The following DENND4C variants were observed in gnomAD, a reference collection of about 807,000 sequenced individuals.
DENND4C encodes the protein DENN domain containing 4C.
In DENND4C, 108 loss-of-function variants were observed where a neutral mutation model predicts 203.0. That is an observed-to-expected ratio of 0.53 (90% confidence interval 0.46 to 0.62). The LOEUF is 0.62. Ranked by LOEUF, DENND4C falls within the 20% of genes least tolerant of loss-of-function variation. DENND4C has a pLI of 0.00. For synonymous variants in DENND4C, 871 were observed against 792.4 expected (o/e 1.10, Z -1.67); for missense variants, 2,481 against 2,301.2 (o/e 1.08, Z -1.60).
intron 9 of DENND4C, among the ~76,000 whole-genome samples, chr9:19,302,474 C>T (rs912126536): frequency 1.3e-5 from 2 of 152,122 alleles, no homozygotes; most frequent in Non-Finnish European, 2.9e-5. Context: ...AGTTGTCACT[C>T]AAGGAAATCT....
chr9:19,352,334 C>A, intron 25 of DENND4C, 152 bp downstream of exon 25: 2 of 1,008,502 alleles, frequency 2.0e-6, no homozygotes, highest in Non-Finnish European at 1.4e-6. Context: ...GTAAGTAAGA[C>A]ATTGAACTGG....
intron 10 of DENND4C, 23 bp from the exon 11 acceptor site, chr9:19,316,394 T>C (rs1841857577): frequency 6.3e-7 from 1 of 1,578,262 alleles, no homozygotes; most frequent in Non-Finnish European, 8.6e-7. Flanking sequence ...ACACATTTTA[T>C]GAATTTTGTT....
intron 12 of DENND4C, among the ~76,000 whole-genome samples, chr9:19,321,374 G>C (rs980613918): frequency 1.3e-5 from 2 of 152,130 alleles, no homozygotes; most frequent in Non-Finnish European, 2.9e-5. Context: ...GATATCAAGA[G>C]CACCTTTGAG....
chr9:19,313,136 A>G (rs1279841333), intron 10 of DENND4C, among the ~76,000 whole-genome samples: 1 of 151,990 alleles, frequency 6.6e-6, no homozygotes, highest in East Asian at 1.9e-4. Context: ...GTGTGTCTAT[A>G]ATTTCATATT....
At chr9:19,288,420 CTT>C in intron 3 of DENND4C, among the ~76,000 whole-genome samples, 174 bp from the exon 4 acceptor site, 1 of 152,298 alleles carries the variant, frequency 6.6e-6, no homozygotes, top group Middle Eastern at 3.4e-3. Flanking sequence ...TTCTTACTCT[CTT>C]ATTTTAGTGT....
At chr9:19,292,178 C>G (rs1836473840) in intron 5 of DENND4C, 1 of 151,240 alleles carries the variant, frequency 6.6e-6, no homozygotes, top group African/African-American at 2.5e-5. Flanking sequence ...TGTGCGTCAC[C>G]ACGCCCAGCT....
chr9:19,352,048 T>C, intron 24 of DENND4C, 25 bp from the exon 25 acceptor site: 2 of 1,562,938 alleles, frequency 1.3e-6, no homozygotes, highest in South Asian at 1.1e-5. Flanking sequence ...TTACTTAAGG[T>C]ATTACGATGT....
At chr9:19,256,495 T>TAGA (rs900400922) in intron 1 of DENND4C, among the ~76,000 whole-genome samples, 2 of 151,740 alleles carry the variant, frequency 1.3e-5, no homozygotes, top group Non-Finnish European at 2.9e-5. Flanking sequence ...TTTGTACTTT[T>TAGA]AGAAGAGAGA....
At chr9:19,351,241 T>C (rs1282831463) in intron 24 of DENND4C, among the ~76,000 whole-genome samples, 2 of 152,230 alleles carry the variant, frequency 1.3e-5, no homozygotes, top group African/African-American at 4.8e-5. Context: ...TCACGGATTA[T>C]ATCATTAGTT....
intron 23 of DENND4C, 109 bp from the exon 24 acceptor site, chr9:19,350,593 T>C (rs933796762): frequency 2.5e-5 from 22 of 864,244 alleles, no homozygotes; most frequent in Non-Finnish European, 3.5e-5. Context: ...GTGGGGATGA[T>C]GATTTGTTTA....
chr9:19,267,252 G>T (rs1308303229), intron 1 of DENND4C, among the ~76,000 whole-genome samples: 1 of 152,118 alleles, frequency 6.6e-6, no homozygotes, highest in Non-Finnish European at 1.5e-5. Context: ...TCTCTCTTTA[G>T]CTCTAATAAT....
intron 30 of DENND4C, among the ~76,000 whole-genome samples, chr9:19,363,697 T>C (rs1254804295): frequency 6.6e-6 from 1 of 151,840 alleles, no homozygotes; most frequent in East Asian, 1.9e-4. Context: ...TTAAGTGAAA[T>C]ATAACTTTAT....
intron 28 of DENND4C, 80 bp from the exon 29 acceptor site, chr9:19,360,164 G>C: frequency 2.2e-6 from 3 of 1,375,428 alleles, no homozygotes; most frequent in Non-Finnish European, 3.0e-6. Context: ...AGGATAGAGA[G>C]GCATTATCTC....
At chr9:19,272,356 G>A (rs142856027) in intron 1 of DENND4C, among the ~76,000 whole-genome samples, 82 of 151,846 alleles carry the variant, frequency 5.4e-4, no homozygotes, top group Middle Eastern at 3.4e-3. Context: ...GGAGGCAGAG[G>A]TTGCAGTGAG....
At chr9:19,261,614 C>T (rs1588771437) in intron 1 of DENND4C, among the ~76,000 whole-genome samples, 2 of 151,686 alleles carry the variant, frequency 1.3e-5, no homozygotes, top group Non-Finnish European at 2.9e-5. Context: ...GAGATCTTCT[C>T]GCCTCAGCCT....
At chr9:19,348,978 T>G (rs1409072194) in intron 23 of DENND4C, among the ~76,000 whole-genome samples, 1 of 152,096 alleles carries the variant, frequency 6.6e-6, no homozygotes, top group Admixed American at 6.5e-5. Flanking sequence ...TGCTAATATT[T>G]TATTTTTTGT....
intron 30 of DENND4C, among the ~76,000 whole-genome samples, chr9:19,364,677 G>C (rs1278578732): frequency 6.6e-6 from 1 of 152,130 alleles, no homozygotes; most frequent in Non-Finnish European, 1.5e-5. Flanking sequence ...TGGATCACCT[G>C]AGGTCAGGAG....
chr9:19,236,234 A>G (rs1369492343), intron 1 of DENND4C, among the ~76,000 whole-genome samples: 1 of 152,214 alleles, frequency 6.6e-6, no homozygotes, highest in Non-Finnish European at 1.5e-5. Flanking sequence ...CTAATAGGTT[A>G]AACAGCCCTA....
In DENND4C at chr9:19,352,129, G is replaced by C. The variant is rs748360451; in HGVS notation, c.4552G>C (p.Gly1518Arg). ...KGQDFEKSDH[G>R]SSQNTSMSSI... Reference sequence around the variant, plus strand: ...GCAAGACTTTGAAAAATCAGATCATGGTTCTTCTCAAAATACCAGCATGTC... The same window carrying C: ...GCAAGACTTTGAAAAATCAGATCATCGTTCTTCTCAAAATACCAGCATGTC... The change falls in exon 25 of 33, where the codon GGT becomes CGT. Residue 1518 changes from glycine (G) to arginine (R), a missense_variant. Coordinates refer to ENST00000434457, the MANE Select transcript of DENND4C (RefSeq NM_001330640.2). The C allele has an allele frequency of 1.2e-6, 2 of 1,613,830 alleles. No homozygotes were observed. Among genetic ancestry groups the C allele is most frequent in the Non-Finnish European group, 1.7e-6 (2 of 1,179,898 alleles).
Sources: gnomAD v4.1 joint callset for allele counts (sites outside exome capture counted in the v4.1 genomes callset) on GRCh38, gnomAD v4.1.1 for gene constraint, MANE v1.5 for transcripts, NCBI Gene and HGNC (gene_info 2026-07-23, HGNC 2026-07-21) for gene names.